EPHX3: variants seen among roughly 807,000 people sequenced by gnomAD.
EPHX3 encodes the protein abhydrolase domain containing 9.
Under a neutral mutation model 40.2 loss-of-function variants are expected in EPHX3, and 39 were observed. The observed-to-expected ratio is 0.97, with a 90% CI of 0.75 to 1.27. The LOEUF (loss-of-function observed/expected upper bound fraction) is 1.27. Ranked by LOEUF, EPHX3 falls within the 50% of genes most tolerant of loss-of-function variation. EPHX3 has a pLI of 0.00. For synonymous variants in EPHX3, 213 were observed against 209.7 expected, an observed-to-expected ratio of 1.02 and a Z score of -0.14; for missense variants, 442 against 474.0, an observed-to-expected ratio of 0.93 and a Z score of 0.63.
intron 4 of EPHX3, among the ~76,000 whole-genome samples, chr19:15,228,748 G>A (rs543360687): frequency 4.6e-5 from 7 of 151,540 alleles, no homozygotes; most frequent in South Asian, 2.1e-4. Flanking sequence ...CTCGATCTCC[G>A]GACCTCATGA....
intron 6 of EPHX3, 21 bp from the exon 7 acceptor site, chr19:15,227,683 C>T: frequency 1.2e-6 from 2 of 1,612,222 alleles, no homozygotes; most frequent in Non-Finnish European, 1.7e-6. Context: ...GACAGACAGA[C>T]AGGCAGACAG....
In EPHX3 at chr19:15,232,063, C is replaced by G. The variant is rs776561003; in HGVS notation, c.149G>C (p.Arg50Pro). 2 of 1,573,894 alleles carry G rather than the reference C, an allele frequency of 1.3e-6. No homozygotes were observed. Among genetic ancestry groups the G allele is most frequent in the Non-Finnish European group, 1.7e-6 (2 of 1,166,652 alleles). ...GCIALTHVLC[R>P]PRRGCCGRRR... ...GCGCCCGCAGCAGCCGCGCCGGGGC[C>G]GGCACAGCACGTGCGTGAGCGCTAT... is the stretch of plus-strand genomic sequence containing the variant. Residue 50 changes from arginine (R) to proline (P), a missense_variant, in exon 1 of 7, where the codon CGG becomes CCG. Arg to Pro is a moderately radical substitution (Grantham distance 103). Coordinates refer to ENST00000221730, the MANE Select transcript of EPHX3 (RefSeq NM_024794.3).
rs2047118643 is a variant in EPHX3, at chr19:15,227,283, G to C, written c.*154C>G. On this transcript the variant is annotated 3_prime_UTR_variant, in exon 7 of 7. Coordinates refer to ENST00000221730, the MANE Select transcript of EPHX3 (RefSeq NM_024794.3). ...TTGGTGTGTCCCGAGGCACCCATAG[G>C]TGCGCTTGTGTGGGATCCAGGAGTC... is the stretch of plus-strand genomic sequence containing the variant. 2 of 651,344 alleles carry C rather than the reference G, an allele frequency of 3.1e-6. No individual in the cohort carries two copies. Among genetic ancestry groups the C allele is most frequent in the African/African-American group, 3.6e-5 (2 of 55,572 alleles). The allele number at this position is 651,344 out of a possible 1,614,324, so 40.3% of individuals were successfully genotyped here.
chr19:15,230,519 TG>T (rs2047146054), intron 4 of EPHX3, among the ~76,000 whole-genome samples: 1 of 151,328 alleles, frequency 6.6e-6, no homozygotes, highest in Non-Finnish European at 1.5e-5. Flanking sequence ...TTGCTCTTGT[TG>T]CCTAGGCTGG....
chr19:15,231,910 C>T, intron 1 of EPHX3, 49 bp from the exon 2 acceptor site: 2 of 1,613,026 alleles, frequency 1.2e-6, no homozygotes, highest in Non-Finnish European at 1.7e-6. Context: ...TCTCCCGAGG[C>T]TTGAACCGTC....
At chr19:15,229,020 AC>A (rs1389008099) in intron 4 of EPHX3, among the ~76,000 whole-genome samples, 1 of 151,416 alleles carries the variant, frequency 6.6e-6, no homozygotes, top group Non-Finnish European at 1.5e-5. Flanking sequence ...AAAAAAAGAC[AC>A]CCCCAAAAGA....
chr19:15,231,190 T>G, intron 3 of EPHX3, 49 bp downstream of exon 3: 5 of 1,612,870 alleles, frequency 3.1e-6, no homozygotes, highest in Non-Finnish European at 4.2e-6. Flanking sequence ...GGGGTATGCG[T>G]GTGTGCAGGA....
Position 15,231,412 on chromosome 19 carries a change from G to A in EPHX3, c.330-16C>T, listed in dbSNP as rs2047153511. On this transcript the variant is annotated splice_polypyrimidine_tract_variant and intron_variant, in intron 2 of 6. Transcript: ENST00000221730. ...CCAGGAGAACCTGCCAGGCGGGCGA[G>A]GGAGGGAGGCTGAGTCAGGGCCCTC... 1 of 1,612,306 alleles carries A rather than the reference G, an allele frequency of 6.2e-7. No individual in the cohort carries two copies. The highest frequency in any genetic ancestry group is 8.5e-7 in the Non-Finnish European group (1 of 1,179,526).
chr19:15,236,101 C>A (rs2047190138), upstream of EPHX3: 1 of 152,190 alleles, frequency 6.6e-6, no homozygotes, highest in Non-Finnish European at 1.5e-5. Flanking sequence ...GAACCACACC[C>A]TCACAGGGAG....
intron 4 of EPHX3, among the ~76,000 whole-genome samples, chr19:15,229,272 C>T (rs1424176955): frequency 6.6e-6 from 1 of 152,010 alleles, no homozygotes; most frequent in Non-Finnish European, 1.5e-5. Context: ...CCCCGCTACT[C>T]TGGAGGCTGA....
intron 2 of EPHX3, 102 bp from the exon 3 acceptor site, chr19:15,231,498 A>C (rs2047154133): frequency 7.1e-7 from 1 of 1,413,680 alleles, no homozygotes; most frequent in African/African-American, 1.4e-5. Context: ...TCCTGCTCTA[A>C]ACTTCCCCTA....
At chr19:15,234,495 A>G (rs1345415618), upstream of EPHX3, among the ~76,000 whole-genome samples, 1 of 152,114 alleles carries the variant, frequency 6.6e-6, no homozygotes, top group Non-Finnish European at 1.5e-5. Context: ...TTTCAGAGAG[A>G]CGACTTGCTA....
At chr19:15,233,539 G>C (rs73506397), upstream of EPHX3, 28 of 152,424 alleles carry the variant, frequency 1.8e-4, no homozygotes, top group African/African-American at 6.3e-4. Flanking sequence ...ATGTTCAAGC[G>C]ACAGGTCCTG....
chr19:15,234,353 C>G (rs2047176285), upstream of EPHX3, among the ~76,000 whole-genome samples: 1 of 152,116 alleles, frequency 6.6e-6, no homozygotes, highest in East Asian at 1.9e-4. Context: ...ACGTTTTTAG[C>G]TTTTTCTTTT....
rs770587568 is a variant in EPHX3, at chr19:15,229,594, GA to G, written c.616+1367del. Among the ~76,000 whole-genome samples the G allele has an allele frequency of 6.9e-3, 671 of 97,252 alleles. 2 individuals carry two copies. The highest frequency in any genetic ancestry group is 0.015 in the African/African-American group (407 of 26,664). The allele number at this position is 97,252 out of a possible 152,430, so 63.8% of individuals were successfully genotyped here. A position where few individuals can be genotyped will look rare whatever the true frequency, so the allele number is the denominator to read the frequency against. ...TGCACAGAGTGAGACTCCATCTCAAGAAAAAAAAAAAAAAAAGGGGCCAGGC... is the reference window on the plus strand; with the variant it reads ...TGCACAGAGTGAGACTCCATCTCAAGAAAAAAAAAAAAAAAGGGGCCAGGC... On this transcript the variant is annotated intron_variant, in intron 4 of 6. Transcript: ENST00000221730.
Position 15,232,191 on chromosome 19 carries a change from G to T in EPHX3, c.21C>A (p.Thr7=). MPELVV[T]ALLAPSRLSL... is the part of the protein sequence containing the mutation. ...ACAGGCGCGACGGCGCCAGCAGCGC[G>T]GTCACCACCAGCTCCGGCATGTCGC... Residue 7 remains threonine, a synonymous_variant, in exon 1 of 7, where the codon ACC becomes ACA. Transcript: ENST00000221730. 6.6e-7 allele frequency: 1 copy of T among 1,520,548 alleles called. No individual in the cohort carries two copies. Among genetic ancestry groups the T allele is most frequent in the Non-Finnish European group, 8.8e-7 (1 of 1,141,590 alleles). 94.2% of individuals were successfully genotyped at this position (1,520,548 alleles called of 1,614,324 possible). A position where few individuals can be genotyped will look rare whatever the true frequency, so the allele number is the denominator to read the frequency against.
chr19:15,229,232 T>C (rs894952673), intron 4 of EPHX3, among the ~76,000 whole-genome samples: 4 of 151,614 alleles, frequency 2.6e-5, no homozygotes, highest in African/African-American at 9.7e-5. Context: ...ATACAAAAAT[T>C]AGCTGGGCGT....
At chr19:15,234,939 C>A (rs2047180465), upstream of EPHX3, among the ~76,000 whole-genome samples, 1 of 152,194 alleles carries the variant, frequency 6.6e-6, no homozygotes, top group Non-Finnish European at 1.5e-5. Flanking sequence ...TCTCCCTGGA[C>A]TACTTAACCA....
At position 15,232,258 on chromosome 19, in the gene EPHX3, T is replaced by A; in HGVS notation, c.-47A>T. 6.9e-7 allele frequency: 1 copy of A among 1,439,514 alleles called. No individual in the cohort carries two copies. The highest frequency in any genetic ancestry group is 1.4e-5 in the South Asian group (1 of 69,622). 89.2% of individuals were successfully genotyped at this position (1,439,514 alleles called of 1,614,324 possible). On this transcript the variant is annotated 5_prime_UTR_variant, in exon 1 of 7. Transcript: ENST00000221730. Reference sequence around the variant, plus strand: ...GGCGGCGCTGCCGGCCAGGGGCACCTGCAGCAGCGGCGAAGCGGTGTCAGG... The same window carrying A: ...GGCGGCGCTGCCGGCCAGGGGCACCAGCAGCAGCGGCGAAGCGGTGTCAGG...
Sources: gnomAD v4.1 joint callset for allele counts (sites outside exome capture counted in the v4.1 genomes callset) on GRCh38, gnomAD v4.1.1 for gene constraint, MANE v1.5 for transcripts, NCBI Gene and HGNC (gene_info 2026-07-23, HGNC 2026-07-21) for gene names.